The following SCN9A variants were observed in gnomAD, a reference collection of about 807,000 sequenced individuals.
SCN9A encodes the protein sodium voltage-gated channel alpha subunit 9, also known as sodium channel protein type 9 subunit alpha.
Under a neutral mutation model 187.0 loss-of-function variants are expected in SCN9A, and 131 were observed. That is an observed-to-expected ratio of 0.70 (90% CI 0.61 to 0.81). The LOEUF is 0.81. Ranked by LOEUF, SCN9A falls within the 30% of genes least tolerant of loss-of-function variation. The pLI is 0.00. For synonymous variants in SCN9A, 809 were observed against 808.6 expected, an observed-to-expected ratio of 1.00 and a Z score of -0.01; for missense variants, 2,252 against 2,396.6, an observed-to-expected ratio of 0.94 and a Z score of 1.26.
intron 17 of SCN9A, among the ~76,000 whole-genome samples, chr2:166,259,922 A>G (rs1046921123): frequency 1.3e-5 from 1 of 79,782 alleles, no homozygotes; most frequent in African/African-American, 4.0e-5. Flanking sequence ...GCAATTCTAC[A>G]GAAGAGTGCT....
chr2:166,234,960 T>A (rs967422700), intron 20 of SCN9A, among the ~76,000 whole-genome samples: 3 of 152,094 alleles, frequency 2.0e-5, no homozygotes, highest in Admixed American at 2.0e-4. Context: ...GGGTTTATTA[T>A]AAAACCCAGT....
rs1408785386 is a variant in SCN9A at position 166,281,800 on chromosome 2, G to A, written c.1983C>T (p.Thr661=). The part of the protein sequence containing the change: ...DKATSDDSGT[T]NQIHKKRRCS... Reference sequence around the variant, plus strand: ...AACGCCTTTTCTTGTGTATTTGATTGGTCGTGCCCTAAAAAAAAAATCAAT... The same window carrying A: ...AACGCCTTTTCTTGTGTATTTGATTAGTCGTGCCCTAAAAAAAAAATCAAT... The change falls in exon 13 of 27, where the codon ACC becomes ACT. Residue 661 remains threonine, a synonymous_variant. Transcript: ENST00000642356. The A allele has an allele frequency of 1.2e-6, 2 of 1,602,550 alleles. No homozygotes were observed. Among genetic ancestry groups the A allele is most frequent in the Admixed American group, 3.5e-5 (2 of 57,438 alleles).
intron 24 of SCN9A, among the ~76,000 whole-genome samples, chr2:166,220,304 A>G (rs1461720514): frequency 6.6e-6 from 1 of 152,194 alleles, no homozygotes; most frequent in Non-Finnish European, 1.5e-5. Flanking sequence ...TCCAAAGCTC[A>G]TGTTGCAATT....
intron 7 of SCN9A, among the ~76,000 whole-genome samples, chr2:166,298,472 G>T (rs1205256592): frequency 6.6e-6 from 1 of 152,202 alleles, no homozygotes; most frequent in African/African-American, 2.4e-5. Context: ...TCAGCAGGAG[G>T]TGAGACAGTG....
intron 23 of SCN9A, 31 bp from the exon 24 acceptor site, chr2:166,226,735 G>T: frequency 6.7e-7 from 1 of 1,489,874 alleles, no homozygotes; most frequent in Middle Eastern, 1.7e-4. Flanking sequence ...AGCATTATAT[G>T]GACAGTAACA....
In SCN9A at chr2:166,294,599, C is replaced by T; in HGVS notation, c.965G>A (p.Gly322Asp). 2 of 1,607,356 alleles carry T rather than the reference C, an allele frequency of 1.2e-6. No individual in the cohort carries two copies. The highest frequency in any genetic ancestry group is 1.7e-6 in the Non-Finnish European group (2 of 1,175,022). ...TAAAAAGAAAACAAATATTACATAC[C>T]CTGAATCTGTGCTGAAACCACAAAG... ...ALLCGFSTDS[G>D]QCPEGYTCVK... is the part of the protein sequence containing the mutation. The change falls in exon 8 of 27, where the codon GGT becomes GAT. Residue 322 changes from glycine (G) to aspartate (D), a missense_variant and splice_region_variant. Gly to Asp is a moderately conservative substitution (Grantham distance 94). Transcript: ENST00000642356.
At chr2:166,323,760 G>C (rs779957394) in intron 1 of SCN9A, among the ~76,000 whole-genome samples, 1 of 149,048 alleles carries the variant, frequency 6.7e-6, no homozygotes, top group Non-Finnish European at 1.5e-5. Flanking sequence ...GTAATATGTT[G>C]TGCTTTTGTA....
At chr2:166,199,943 T>C (rs1693406004) in intron 26 of SCN9A, 79 bp from the exon 27 acceptor site, 1 of 758,300 alleles carries the variant, frequency 1.3e-6, no homozygotes, top group South Asian at 1.7e-5. Context: ...AACAGTTTTA[T>C]CTGTCAACTC....
chr2:166,304,390 C>CT, intron 5 of SCN9A, 61 bp from the exon 6 acceptor site: 1 of 1,425,812 alleles, frequency 7.0e-7, no homozygotes, highest in Non-Finnish European at 9.8e-7. Context: ...TTACCTGAGC[C>CT]TTTAGTCAAG....
chr2:166,326,836 A>G (rs371836327), intron 1 of SCN9A, among the ~76,000 whole-genome samples: 70 of 152,300 alleles, frequency 4.6e-4, no homozygotes, highest in African/African-American at 1.3e-3. Context: ...TATATTAATC[A>G]CTAGTGTTTG....
At chr2:166,275,643 G>C (rs1697203165) in intron 16 of SCN9A, among the ~76,000 whole-genome samples, 1 of 151,390 alleles carries the variant, frequency 6.6e-6, no homozygotes, top group Admixed American at 6.6e-5. Context: ...ACAAAACAGA[G>C]AAGAAGAAAC....
chr2:166,204,253 T>C (rs1401561372), intron 25 of SCN9A, 28 bp from the exon 26 acceptor site: 2 of 1,597,226 alleles, frequency 1.3e-6, no homozygotes, highest in Non-Finnish European at 1.7e-6. Flanking sequence ...TAATATCGAA[T>C]GCAGAGTAAA....
intron 9 of SCN9A, among the ~76,000 whole-genome samples, chr2:166,289,914 A>G (rs1033772823): frequency 3.3e-5 from 5 of 152,008 alleles, no homozygotes; most frequent in Admixed American, 6.6e-5. Context: ...GCTTTTTTTC[A>G]TATGTTTAAG....
In SCN9A at chr2:166,204,159, G is replaced by A. The variant is rs1460290939; in HGVS notation, c.4570C>T (p.Leu1524Phe). ...NQAFDISIMV[L>F]ICLNMVTMMV... The stretch of plus-strand genomic sequence containing the variant: ...ATGGTTACCATGTTGAGACAGATAA[G>A]AACCATGATACTAATATCAAAGGCT... The change falls in exon 26 of 27, where the codon CTT becomes TTT. Residue 1524 changes from leucine to phenylalanine, a missense_variant. By Grantham distance (22) the Leu-to-Phe change is conservative (BLOSUM62 0). Around this residue, in one of 7 missense-constraint regions of SCN9A, gnomAD observed 368 missense variants for 408.6 expected, o/e 0.90. Transcript: ENST00000642356. The A allele has an allele frequency of 6.2e-7, 1 of 1,611,752 alleles. No individual in the cohort carries two copies. The highest frequency in any genetic ancestry group is 1.3e-5 in the African/African-American group (1 of 74,932).
intron 1 of SCN9A, among the ~76,000 whole-genome samples, chr2:166,315,820 G>A (rs1030024229): frequency 6.6e-6 from 1 of 152,178 alleles, no homozygotes; most frequent in Non-Finnish European, 1.5e-5. Flanking sequence ...GGACCTATGT[G>A]TGACTACAAC....
At chr2:166,306,676 TACAACTTTTCCTA>T (rs1698769295) in intron 3 of SCN9A, 77 bp from the exon 4 acceptor site, 1 of 1,069,670 alleles carries the variant, frequency 9.3e-7, no homozygotes, top group South Asian at 1.4e-5. Flanking sequence ...TTGAAATGCT[TACAACTTTTCCTA>T]AGAAAAAAAT....
intron 1 of SCN9A, among the ~76,000 whole-genome samples, chr2:166,313,008 T>TTAAATAATATAATTATTTAATTTTCTG (rs138488726): frequency 8.3e-6 from 1 of 120,070 alleles, no homozygotes; most frequent in African/African-American, 2.8e-5. Context: ...ATTTTCTGAA[T>TTAAATAATATAATTATTTAATTTTCTG]AATTAAATAA....
At chr2:166,289,308 G>A (rs1192882936) in intron 9 of SCN9A, among the ~76,000 whole-genome samples, 2 of 151,452 alleles carry the variant, frequency 1.3e-5, no homozygotes, top group Non-Finnish European at 2.9e-5. Context: ...CCTACATTAG[G>A]TATGTCTCCT....
At chr2:166,330,763 G>T (rs1284599324) in intron 1 of SCN9A, among the ~76,000 whole-genome samples, 1 of 152,150 alleles carries the variant, frequency 6.6e-6, no homozygotes, top group Non-Finnish European at 1.5e-5. Flanking sequence ...AATAAAGCTT[G>T]CACTTCTCTG....
Sources: gnomAD v4.1 joint callset for allele counts (sites outside exome capture counted in the v4.1 genomes callset) on GRCh38, gnomAD v4.1.1 for gene constraint, gnomAD v4.1.1 regional missense constraint, MANE v1.5 for transcripts, NCBI Gene and HGNC (gene_info 2026-07-23, HGNC 2026-07-21) for gene names.